The following GPC5 variants were observed in gnomAD, a reference collection of about 807,000 sequenced individuals.
GPC5 encodes glypican-5.
In GPC5, 47 loss-of-function variants were observed where a neutral mutation model predicts 53.9. The ratio of observed to expected loss-of-function variants is 0.87; its 90% CI spans 0.69 to 1.11. The LOEUF is 1.11. Among genes scored for constraint, GPC5 ranks in the 50% most tolerant of loss-of-function variants. The probability of loss-of-function intolerance (pLI) is 0.00; values close to 1 mark genes in which losing one functional copy is unlikely to be tolerated. For missense variants in GPC5, 748 were observed against 713.1 expected, an observed-to-expected ratio of 1.05 and a Z score of -0.56; for synonymous variants, 286 against 263.3, an observed-to-expected ratio of 1.09 and a Z score of -0.84.
At chr13:92,427,902 T>C (rs1876906457) in intron 7 of GPC5, among the ~76,000 whole-genome samples, 1 of 152,276 alleles carries the variant, frequency 6.6e-6, no homozygotes, top group Admixed American at 6.5e-5. Flanking sequence ...AAAATATATT[T>C]GTATTGTTTT....
At chr13:91,790,182 G>A (rs1454643238) in intron 5 of GPC5, among the ~76,000 whole-genome samples, 11 of 152,124 alleles carry the variant, frequency 7.2e-5, no homozygotes, top group Non-Finnish European at 1.2e-4. Context: ...ATTATAACAG[G>A]TGTGAGGTGA....
At chr13:91,817,308 A>G (rs182853514) in intron 5 of GPC5, among the ~76,000 whole-genome samples, 1 of 152,324 alleles carries the variant, frequency 6.6e-6, no homozygotes, top group Non-Finnish European at 1.5e-5. Flanking sequence ...ATTTTAGTCC[A>G]AAAAGGAACA....
chr13:91,755,017 A>G (rs945771115), intron 4 of GPC5, among the ~76,000 whole-genome samples: 16 of 152,112 alleles, frequency 1.1e-4, no homozygotes, highest in African/African-American at 3.9e-4. Flanking sequence ...TTTGAAAGTA[A>G]TATTTATCTT....
intron 7 of GPC5, among the ~76,000 whole-genome samples, chr13:92,196,808 C>A (rs968028642): frequency 5.0e-5 from 3 of 59,892 alleles, no homozygotes; most frequent in Admixed American, 3.3e-4. Flanking sequence ...GATAAACAGG[C>A]GCAGACAGAA....
At chr13:91,506,028 C>T (rs1338624002) in intron 2 of GPC5, among the ~76,000 whole-genome samples, 4 of 151,930 alleles carry the variant, frequency 2.6e-5, no homozygotes, top group Non-Finnish European at 4.4e-5. Flanking sequence ...TTATGTGATA[C>T]GGGTTTGCAC....
At chr13:92,109,064 T>G (rs1438376388) in intron 6 of GPC5, among the ~76,000 whole-genome samples, 4 of 133,102 alleles carry the variant, frequency 3.0e-5, no homozygotes, top group African/African-American at 9.8e-5. Flanking sequence ...TATGTTGGTT[T>G]TTTTTTTTTT....
intron 7 of GPC5, among the ~76,000 whole-genome samples, chr13:92,285,771 C>T (rs1482988742): frequency 6.6e-6 from 1 of 152,068 alleles, no homozygotes; most frequent in East Asian, 1.9e-4. Context: ...AATGTTAGAC[C>T]TAAAACCATA....
chr13:92,357,346 G>A (rs983101328), intron 7 of GPC5, among the ~76,000 whole-genome samples: 3 of 151,734 alleles, frequency 2.0e-5, no homozygotes, highest in African/African-American at 7.3e-5. Context: ...GAGTAAAAGT[G>A]TTCCTTTTTC....
chr13:92,646,499 G>A (rs1885775006), intron 7 of GPC5, among the ~76,000 whole-genome samples: 1 of 151,886 alleles, frequency 6.6e-6, no homozygotes. Context: ...TTATTCTCAA[G>A]GTTTGCATTT....
intron 7 of GPC5, among the ~76,000 whole-genome samples, chr13:92,348,734 C>T (rs1432405858): frequency 1.3e-5 from 2 of 151,974 alleles, no homozygotes; most frequent in Non-Finnish European, 2.9e-5. Flanking sequence ...CTTCTCTGAC[C>T]CACAATGGTA....
At chr13:91,691,082 A>G (rs1395915161) in intron 2 of GPC5, among the ~76,000 whole-genome samples, 1 of 152,228 alleles carries the variant, frequency 6.6e-6, no homozygotes, top group Non-Finnish European at 1.5e-5. Flanking sequence ...AGTTCAAGCC[A>G]CAGAGATTCA....
At chr13:92,763,164 T>A (rs1490351116) in intron 7 of GPC5, among the ~76,000 whole-genome samples, 2 of 152,188 alleles carry the variant, frequency 1.3e-5, no homozygotes, top group Admixed American at 1.3e-4. Context: ...GATGATATCA[T>A]GTTCCCTTGC....
intron 5 of GPC5, among the ~76,000 whole-genome samples, chr13:91,875,796 G>C (rs1566316795): frequency 6.6e-6 from 1 of 152,128 alleles, no homozygotes. Context: ...TTGTCACCCA[G>C]CTTCCCCCAA....
At chr13:92,586,006 A>T (rs1408398159) in intron 7 of GPC5, among the ~76,000 whole-genome samples, 1 of 152,244 alleles carries the variant, frequency 6.6e-6, no homozygotes, top group Admixed American at 6.5e-5. Context: ...GCAGCATGAA[A>T]ACTGACTAAT....
At chr13:91,663,291 T>G (rs530354336) in intron 2 of GPC5, among the ~76,000 whole-genome samples, 1 of 152,310 alleles carries the variant, frequency 6.6e-6, no homozygotes, top group African/African-American at 2.4e-5. Flanking sequence ...ATATGGAAGG[T>G]TTTCAGGTCA....
At chr13:92,606,477 C>T (rs1884264798) in intron 7 of GPC5, among the ~76,000 whole-genome samples, 1 of 152,162 alleles carries the variant, frequency 6.6e-6, no homozygotes, top group African/African-American at 2.4e-5. Context: ...TTTCTTAATC[C>T]AGTCTATCAT....
intron 7 of GPC5, among the ~76,000 whole-genome samples, chr13:92,537,891 T>A (rs1233566139): frequency 2.0e-5 from 3 of 152,286 alleles, no homozygotes; most frequent in African/African-American, 7.2e-5. Flanking sequence ...TCAGTCTTTT[T>A]AATTTTTTTC....
intron 6 of GPC5, among the ~76,000 whole-genome samples, chr13:92,065,612 G>A (rs1219227558): frequency 5.9e-5 from 9 of 151,988 alleles, no homozygotes; most frequent in Admixed American, 2.6e-4. Flanking sequence ...TAGATCGAAC[G>A]GATGTTTTGA....
At chr13:91,739,732 G>A (rs1179062911) in intron 4 of GPC5, among the ~76,000 whole-genome samples, 3 of 151,354 alleles carry the variant, frequency 2.0e-5, no homozygotes, top group South Asian at 2.1e-4. Flanking sequence ...AGAGGCTGCC[G>A]TCTTATATGA....
Sources: gnomAD v4.1 joint callset for allele counts (sites outside exome capture counted in the v4.1 genomes callset) on GRCh38, gnomAD v4.1.1 for gene constraint, MANE v1.5 for transcripts, NCBI Gene and HGNC (gene_info 2026-07-23, HGNC 2026-07-21) for gene names.